The following MICAL3 variants were observed in gnomAD, a reference collection of about 807,000 sequenced individuals.
The protein encoded by MICAL3 is microtubule associated monooxygenase, calponin and LIM domain containing 3, also known as [F-actin]-monooxygenase MICAL3.
Under a neutral mutation model 207.4 loss-of-function variants are expected in MICAL3, and 62 were observed. The ratio of observed to expected loss-of-function variants is 0.30; its 90% CI spans 0.24 to 0.37. MICAL3 has a LOEUF of 0.37. MICAL3 is among the 10% of genes least tolerant of loss of function. The probability of loss-of-function intolerance (pLI) is 1.00; values close to 1 mark genes in which losing one functional copy is unlikely to be tolerated. For missense variants in MICAL3, 2,368 were observed against 2,635.6 expected, an observed-to-expected ratio of 0.90 and a Z score of 2.22; for synonymous variants, 1,077 against 1,069.3, an observed-to-expected ratio of 1.01 and a Z score of -0.14.
intron 27 of MICAL3, chr22:17,813,225 C>T (rs555322654): frequency 7.2e-5 from 11 of 152,340 alleles, no homozygotes; most frequent in South Asian, 6.2e-4. Flanking sequence ...TGTGCAGAGC[C>T]GCTCTGAGGG....
At chr22:17,877,189 TGGAGGTTAG>T (rs1424641148) in intron 16 of MICAL3, among the ~76,000 whole-genome samples, 11 of 46,226 alleles carry the variant, frequency 2.4e-4, no homozygotes, top group African/African-American at 1.1e-3. Context: ...AGGGAAGTTA[TGGAGGTTAG>T]GGAGGTTATG....
intron 19 of MICAL3, chr22:17,860,467 A>G: frequency 1.0e-6 from 1 of 985,388 alleles, no homozygotes; most frequent in Non-Finnish European, 1.2e-6. Context: ...TCCCGCAGGC[A>G]CCCCAAGCTG....
At chr22:17,877,216 T>TTAG (rs1928725931) in intron 16 of MICAL3, among the ~76,000 whole-genome samples, 1 of 17,166 alleles carries the variant, frequency 5.8e-5, no homozygotes, top group Non-Finnish European at 1.0e-4. Context: ...ATGGAGGTTA[T>TTAG]GGAGGTTAGG....
intron 29 of MICAL3, chr22:17,791,642 G>T (rs1219928881): frequency 1.2e-5 from 4 of 333,986 alleles, no homozygotes; most frequent in Non-Finnish European, 1.7e-5. Context: ...TGTTTATTTG[G>T]CACTTGCTAT....
chr22:17,915,592 G>A (rs1932445106), intron 1 of MICAL3, among the ~76,000 whole-genome samples: 1 of 152,200 alleles, frequency 6.6e-6, no homozygotes, highest in Admixed American at 6.5e-5. Flanking sequence ...ACCTGGAACA[G>A]AATATGGGGT....
intron 27 of MICAL3, chr22:17,814,298 C>T (rs561637583): frequency 8.5e-5 from 13 of 152,240 alleles, no homozygotes; most frequent in Admixed American, 1.3e-4. Context: ...TTTTGCCACA[C>T]GCTTCATCTA....
rs2061850785 is a variant in MICAL3, at chr22:17,793,996, G to C, written c.5651-2695C>G. 6.6e-6 allele frequency among the ~76,000 whole-genome samples: 1 copy of C among 152,214 alleles called. No homozygotes were observed. The highest frequency in any genetic ancestry group is 1.5e-5 in the Non-Finnish European group (1 of 68,050). ...ACAAGAAATGGAGAAGCAGAAACAA[G>C]GGAAACAAAGTCTACAAATGAATTA... On this transcript the variant is annotated intron_variant, in intron 29 of 31. Transcript: ENST00000441493. The surrounding 1 kb of genome is among the most constrained non-coding windows in gnomAD (Gnocchi z 4.1).
At chr22:17,810,572 TG>T in intron 28 of MICAL3, 130 bp downstream of exon 28, 1 of 676,326 alleles carries the variant, frequency 1.5e-6, no homozygotes, top group Non-Finnish European at 2.5e-6. Context: ...GTGACCTGGG[TG>T]GCAGGGAGGC....
intron 25 of MICAL3, 63 bp from the exon 26 acceptor site, chr22:17,819,192 C>A (rs980446994): frequency 2.1e-6 from 3 of 1,404,774 alleles, no homozygotes; most frequent in Non-Finnish European, 2.8e-6. Context: ...GCAGCATCCT[C>A]GGGGAGCCTT....
chr22:17,965,571 T>C (rs927724410), intron 1 of MICAL3, among the ~76,000 whole-genome samples: 2 of 152,184 alleles, frequency 1.3e-5, no homozygotes, highest in African/African-American at 4.8e-5. Flanking sequence ...TGATTGTCAC[T>C]GTGAGTTAAG....
At chr22:17,968,202 G>A (rs1434766508) in intron 1 of MICAL3, among the ~76,000 whole-genome samples, 2 of 152,186 alleles carry the variant, frequency 1.3e-5, no homozygotes, top group South Asian at 4.1e-4. Flanking sequence ...GGAAAGAGAG[G>A]AAATGGCGAG....
chr22:17,902,623 T>C lies in MICAL3; in HGVS notation c.589+8A>G, dbSNP rs1785571419. Reference sequence around the variant, plus strand: ...TCACGCCTTCTTCACTCCTCCAGTATAACTTACGTTCATTCTCTTGGTCCT... The same window carrying C: ...TCACGCCTTCTTCACTCCTCCAGTACAACTTACGTTCATTCTCTTGGTCCT... On this transcript the variant is annotated splice_region_variant and intron_variant, in intron 4 of 31. Transcript: ENST00000441493. The surrounding 1 kb of genome is among the most constrained non-coding windows in gnomAD (Gnocchi z 4.5). 1 of 1,538,230 alleles carries C rather than the reference T, an allele frequency of 6.5e-7. No individual in the cohort carries two copies. The highest frequency in any genetic ancestry group is 8.9e-7 in the Non-Finnish European group (1 of 1,119,410).
chr22:17,891,101 C>T (rs1324605813), intron 12 of MICAL3, among the ~76,000 whole-genome samples: 1 of 152,150 alleles, frequency 6.6e-6, no homozygotes, highest in Non-Finnish European at 1.5e-5. Context: ...TCCCTTGTGA[C>T]CCATAGAATT....
intron 17 of MICAL3, among the ~76,000 whole-genome samples, chr22:17,871,265 ATG>A (rs1189460551): frequency 6.6e-6 from 1 of 152,224 alleles, no homozygotes; most frequent in Non-Finnish European, 1.5e-5. Context: ...CTGGCAGCAC[ATG>A]TTGCCAAAGA....
chr22:17,869,545 C>CA (rs886944339), intron 17 of MICAL3, among the ~76,000 whole-genome samples: 3 of 151,972 alleles, frequency 2.0e-5, no homozygotes, highest in Non-Finnish European at 4.4e-5. Context: ...TAATGCTTTG[C>CA]AAAAAAAGAA....
chr22:17,863,774 G>C, intron 19 of MICAL3: 1 of 985,462 alleles, frequency 1.0e-6, no homozygotes, highest in Non-Finnish European at 1.2e-6. Flanking sequence ...GGAAGGGAAA[G>C]GATGCAACTC....
chr22:17,891,772 A>G (rs1930411592), intron 11 of MICAL3, 140 bp from the exon 12 acceptor site: 1 of 726,514 alleles, frequency 1.4e-6, no homozygotes, highest in African/African-American at 1.8e-5. Context: ...TTCCATGCAA[A>G]GAAAACAGTG....
At chr22:17,816,548 G>A (rs1921017745) in intron 27 of MICAL3, 142 bp downstream of exon 27, 2 of 688,916 alleles carry the variant, frequency 2.9e-6, no homozygotes, top group Admixed American at 2.3e-5. Flanking sequence ...GCATAGGGCT[G>A]GGTCAGCAGT....
intron 16 of MICAL3, among the ~76,000 whole-genome samples, chr22:17,882,556 T>C (rs1471825563): frequency 6.6e-6 from 1 of 152,156 alleles, no homozygotes; most frequent in Non-Finnish European, 1.5e-5. Flanking sequence ...AGGAGATAAA[T>C]TTAGAAGGCC....
Sources: allele counts gnomAD v4.1 joint callset (sites outside exome capture counted in the v4.1 genomes callset), GRCh38; gene constraint gnomAD v4.1.1; non-coding constraint Gnocchi (gnomAD v3.1); transcripts MANE v1.5; gene names NCBI Gene and HGNC (gene_info 2026-07-23, HGNC 2026-07-21).